BRSK2: variants seen among roughly 807,000 people sequenced by gnomAD.
BRSK2 encodes serine/threonine-protein kinase BRSK2.
A neutral mutation model predicts 83.3 loss-of-function variants in BRSK2; 19 were observed. The ratio of observed to expected loss-of-function variants is 0.23; its 90% confidence interval spans 0.16 to 0.33. The LOEUF is 0.33. Ranked by LOEUF, BRSK2 falls within the 10% of genes least tolerant of loss-of-function variation. The pLI, the probability that BRSK2 is intolerant of heterozygous loss-of-function variation, is 1.00. For missense variants in BRSK2, 798 were observed against 1,042.3 expected (o/e 0.77, Z 3.23); for synonymous variants, 519 against 435.4 (o/e 1.19, Z -2.39).
At chr11:1,447,553 A>G (rs1852319396) in intron 12 of BRSK2, among the ~76,000 whole-genome samples, 1 of 152,080 alleles carries the variant, frequency 6.6e-6, no homozygotes. Flanking sequence ...GTGTTGGGCC[A>G]CACAGGGCTG....
chr11:1,418,586 T>G (rs1246186333), intron 1 of BRSK2, among the ~76,000 whole-genome samples: 1 of 151,998 alleles, frequency 6.6e-6, no homozygotes, highest in Non-Finnish European at 1.5e-5. Context: ...GTGTCCTGCT[T>G]CTGTTGGCTG....
intron 1 of BRSK2, among the ~76,000 whole-genome samples, chr11:1,415,236 A>G (rs533707193): frequency 5.9e-5 from 9 of 151,882 alleles, no homozygotes; most frequent in African/African-American, 2.2e-4. Flanking sequence ...CTGGGACTAC[A>G]GGCGCTCACC....
chr11:1,450,446 G>C, intron 13 of BRSK2, 141 bp from the exon 14 acceptor site: 1 of 573,600 alleles, frequency 1.7e-6, no homozygotes, highest in Non-Finnish European at 3.1e-6. Context: ...CCCCTTCCCG[G>C]CCAGCACCCC....
chr11:1,456,822 C>G, intron 18 of BRSK2, 135 bp downstream of exon 18: 2 of 1,325,980 alleles, frequency 1.5e-6, no homozygotes, highest in Admixed American at 4.1e-5. Context: ...ACCTCCCTGC[C>G]CCGAGCTGTG....
At chr11:1,404,293 C>T (rs1000499312) in intron 1 of BRSK2, among the ~76,000 whole-genome samples, 9 of 152,192 alleles carry the variant, frequency 5.9e-5, no homozygotes, top group African/African-American at 2.2e-4. Context: ...CTCTGGGCCC[C>T]GTGTCCTTGA....
Position 1,423,990 on chromosome 11 carries a change from T to G in BRSK2, c.92-12050T>G, listed in dbSNP as rs1848917477. Among the ~76,000 whole-genome samples, 1 of 152,154 alleles carries G rather than the reference T, an allele frequency of 6.6e-6. No individual in the cohort carries two copies. Among genetic ancestry groups the G allele is most frequent in the Non-Finnish European group, 1.5e-5 (1 of 68,042 alleles). ...TAGGAAGGCTGGTAGTTGGGTTTAG[T>G]GTCCACCCCAAATCTGGGGCTATGT... On this transcript the variant is annotated intron_variant, in intron 1 of 19. Transcript: ENST00000528841. The surrounding 1 kb of genome is among the most constrained non-coding windows in gnomAD (Gnocchi z 6.5).
chr11:1,403,010 G>A (rs1052817711), intron 1 of BRSK2, among the ~76,000 whole-genome samples: 2 of 152,162 alleles, frequency 1.3e-5, no homozygotes, highest in Non-Finnish European at 2.9e-5. Context: ...GGCGTTTGCA[G>A]ATGGCGTGGG....
At chr11:1,403,923 G>C (rs1846661148) in intron 1 of BRSK2, among the ~76,000 whole-genome samples, 1 of 152,208 alleles carries the variant, frequency 6.6e-6, no homozygotes, top group Non-Finnish European at 1.5e-5. Flanking sequence ...ACTTGGGACG[G>C]TGGCATCACG....
At chr11:1,443,947 GGTGT>G (rs1458929378) in intron 8 of BRSK2, among the ~76,000 whole-genome samples, 1 of 152,162 alleles carries the variant, frequency 6.6e-6, no homozygotes, top group Admixed American at 6.5e-5. Context: ...CACATGCCCA[GGTGT>G]GTGTTCAAGG....
chr11:1,442,880 CT>C (rs1262371185), intron 5 of BRSK2, among the ~76,000 whole-genome samples: 2 of 152,150 alleles, frequency 1.3e-5, no homozygotes, highest in African/African-American at 2.4e-5. Flanking sequence ...TGGGGACCCC[CT>C]GGCCCCTGCC....
intron 19 of BRSK2, among the ~76,000 whole-genome samples, chr11:1,459,818 C>T (rs1649285613): frequency 6.6e-6 from 1 of 152,200 alleles, no homozygotes; most frequent in Non-Finnish European, 1.5e-5. Flanking sequence ...CAGCCTGCCT[C>T]CCACATCCAC....
At chr11:1,396,521 G>A (rs1314850839) in intron 1 of BRSK2, among the ~76,000 whole-genome samples, 1 of 152,234 alleles carries the variant, frequency 6.6e-6, no homozygotes, top group Admixed American at 6.5e-5. Flanking sequence ...CTGGCCCGAG[G>A]GCAGGTCAGA....
intron 12 of BRSK2, among the ~76,000 whole-genome samples, chr11:1,447,537 T>C (rs1852318412): frequency 6.6e-6 from 1 of 152,012 alleles, no homozygotes; most frequent in Admixed American, 6.5e-5. Context: ...GAGACCCAGC[T>C]GCTTGGTGTT....
intron 1 of BRSK2, among the ~76,000 whole-genome samples, chr11:1,399,109 C>T (rs988577648): frequency 1.3e-5 from 2 of 152,186 alleles, no homozygotes; most frequent in Non-Finnish European, 2.9e-5. Flanking sequence ...CAGGCAGCCC[C>T]GCCCCAGGCC....
chr11:1,448,056 C>T (rs916084327), intron 12 of BRSK2, among the ~76,000 whole-genome samples: 3 of 152,130 alleles, frequency 2.0e-5, no homozygotes, highest in Non-Finnish European at 2.9e-5. Context: ...GCTGCTGAGG[C>T]GTGGCCCACG....
In BRSK2 at chr11:1,423,849, C is replaced by T. The variant is rs113014132; in HGVS notation, c.92-12191C>T. On this transcript the variant is annotated intron_variant, in intron 1 of 19. Coordinates refer to ENST00000528841, the MANE Select transcript of BRSK2 (RefSeq NM_001256627.2). The surrounding 1 kb of genome is among the most constrained non-coding windows in gnomAD (Gnocchi z 6.5). ...CCAGGCCTCCCCCGCTGAGTGTTCC[C>T]GGTGCCCCTGGGCCTGCAGAAGTGC... Among the ~76,000 whole-genome samples, 11 of 150,988 alleles carry T rather than the reference C, an allele frequency of 7.3e-5. No homozygotes were observed. Among genetic ancestry groups the T allele is most frequent in the South Asian group, 2.1e-4 (1 of 4,756 alleles).
At position 1,443,682 on chromosome 11, in the gene BRSK2, G is replaced by A. The variant is rs372934748; in HGVS notation, c.780+47G>A. On this transcript the variant is annotated intron_variant, in intron 8 of 19. Transcript: ENST00000528841. ...CGGCCCCAGAGCGTGGCGGGGGGGC[G>A]CGGGGGCGGGCGTGTGCCTGTGTGT... is the stretch of plus-strand genomic sequence containing the variant. 8.3e-5 allele frequency: 123 copies of A among 1,489,062 alleles called. 1 individual carries two copies. The African/African-American group carries it at 8.5e-4, about 10-fold the overall frequency. The allele number at this position is 1,489,062 out of a possible 1,614,324, so 92.2% of individuals were successfully genotyped here.
Position 1,423,851 on chromosome 11 carries a change from G to A in BRSK2, c.92-12189G>A, listed in dbSNP as rs1848898656. 2.6e-5 allele frequency among the ~76,000 whole-genome samples: 4 copies of A among 151,864 alleles called. No individual in the cohort carries two copies. Among genetic ancestry groups the A allele is most frequent in the Admixed American group, 2.6e-4 (4 of 15,244 alleles). On this transcript the variant is annotated intron_variant, in intron 1 of 19. Coordinates refer to ENST00000528841, the MANE Select transcript of BRSK2 (RefSeq NM_001256627.2). This position sits in a 1 kb window ranked among gnomAD's most constrained non-coding sequence, Gnocchi z 6.5. The stretch of plus-strand genomic sequence containing the variant: ...AGGCCTCCCCCGCTGAGTGTTCCCG[G>A]TGCCCCTGGGCCTGCAGAAGTGCTC...
intron 1 of BRSK2, among the ~76,000 whole-genome samples, chr11:1,395,759 G>A (rs931742237): frequency 1.3e-5 from 2 of 152,198 alleles, no homozygotes; most frequent in Non-Finnish European, 2.9e-5. Flanking sequence ...GCTGAGGTGC[G>A]TGCACGCCGT....
Sources: allele counts gnomAD v4.1 joint callset (sites outside exome capture counted in the v4.1 genomes callset), GRCh38; gene constraint gnomAD v4.1.1; non-coding constraint Gnocchi (gnomAD v3.1); transcripts MANE v1.5; gene names NCBI Gene and HGNC (gene_info 2026-07-23, HGNC 2026-07-21).